Variants in MASP1 observed in about 807,000 individuals in gnomAD.
MASP1 encodes mannan-binding lectin serine protease 1.
Under a neutral mutation model 77.1 loss-of-function variants are expected in MASP1, and 59 were observed. That is an observed-to-expected ratio of 0.77 (90% CI 0.62 to 0.95). MASP1 has a LOEUF of 0.95. MASP1 is among the 40% of genes least tolerant of loss of function. The pLI is 0.00. For missense variants in MASP1, 885 were observed against 912.9 expected (o/e 0.97, Z 0.39); for synonymous variants, 362 against 354.5 (o/e 1.02, Z -0.24).
Position 187,243,606 on chromosome 3 carries a change from G to A in MASP1, c.1106C>T (p.Ala369Val). ...IPTCKIVDCR[A>V]PGELEHGLIT... ...CAGCCCGTGTTCCAGCTCTCCTGGG[G>A]CTCTACAGTCTACAACTGAGAGAGA... is the stretch of plus-strand genomic sequence containing the variant. The change falls in exon 9 of 11, where the codon GCC becomes GTC. Residue 369 changes from alanine to valine, a missense_variant. Physicochemically the swap from Ala to Val is moderately conservative, Grantham distance 64. Transcript: ENST00000296280. 1 of 1,614,184 alleles carries A rather than the reference G, an allele frequency of 6.2e-7. No homozygotes were observed.
chr3:187,268,353 G>A (rs117903657), intron 2 of MASP1, among the ~76,000 whole-genome samples: 19 of 151,970 alleles, frequency 1.3e-4, no homozygotes, highest in East Asian at 1.2e-3. Context: ...GTGGTGGTGC[G>A]GCATGTGCCT....
At chr3:187,287,493 G>C (rs1226531763) in intron 1 of MASP1, among the ~76,000 whole-genome samples, 2 of 152,118 alleles carry the variant, frequency 1.3e-5, no homozygotes, top group Non-Finnish European at 2.9e-5. Context: ...ACACCCTTTG[G>C]AGTGAAATGT....
At chr3:187,258,842 C>G (rs1285204093) in intron 4 of MASP1, among the ~76,000 whole-genome samples, 1 of 152,202 alleles carries the variant, frequency 6.6e-6, no homozygotes, top group Admixed American at 6.5e-5. Flanking sequence ...CCTTCTACTT[C>G]CCATAAATAT....
intron 1 of MASP1, among the ~76,000 whole-genome samples, chr3:187,290,751 C>CT (rs11391875): frequency 0.17 from 25,513 of 147,142 alleles, 2,179 homozygotes; most frequent in African/African-American, 0.22. Flanking sequence ...TGTTTAGGGA[C>CT]TTACACATCT....
intron 2 of MASP1, among the ~76,000 whole-genome samples, chr3:187,281,562 T>C (rs996193784): frequency 2.0e-5 from 3 of 152,246 alleles, no homozygotes; most frequent in African/African-American, 4.8e-5. Flanking sequence ...AGTTCTGTGA[T>C]GACATACCAC....
At position 187,262,792 on chromosome 3, in the gene MASP1, GA is replaced by G. The variant is rs1715710351; in HGVS notation, c.238-73del. ...AGGCTTCTTTCCTTATCTTTAGAAA[GA>G]AAAAGGAAGGGGCCACCCAAGAGTA... On this transcript the variant is annotated intron_variant, in intron 2 of 10. Transcript: ENST00000296280. The G allele has an allele frequency of 3.5e-6, 5 of 1,437,582 alleles. No individual in the cohort carries two copies. The South Asian group carries it at 5.8e-5, about 17-fold the overall frequency. The allele number at this position is 1,437,582 out of a possible 1,614,324, so 89.1% of individuals were successfully genotyped here. A position where few individuals can be genotyped will look rare whatever the true frequency, so the allele number is the denominator to read the frequency against.
chr3:187,282,183 C>T (rs3821807), intron 2 of MASP1, among the ~76,000 whole-genome samples: 31,782 of 152,112 alleles, frequency 0.21, 3,968 homozygotes, highest in African/African-American at 0.35. Context: ...CTCTTCTCTA[C>T]GTTGGGCCTA....
chr3:187,275,369 C>T (rs1716880218), intron 2 of MASP1, among the ~76,000 whole-genome samples: 1 of 152,190 alleles, frequency 6.6e-6, no homozygotes, highest in East Asian at 1.9e-4. Flanking sequence ...AGGACCTTGC[C>T]CTGACTCAGG....
chr3:187,233,866 G>A (rs1174012298), downstream of MASP1, among the ~76,000 whole-genome samples: 2 of 152,184 alleles, frequency 1.3e-5, no homozygotes, highest in Admixed American at 1.3e-4. Flanking sequence ...TAAATGGCAG[G>A]CACTTAAATG....
At chr3:187,247,409 G>C (rs1322279535) in intron 8 of MASP1, 1 of 1,614,014 alleles carries the variant, frequency 6.2e-7, no homozygotes, top group Non-Finnish European at 8.5e-7. Context: ...GAAGATCAAA[G>C]AGGGATCAAG....
intron 14 of MASP1, among the ~76,000 whole-genome samples, chr3:187,221,778 C>T (rs1411526055): frequency 6.6e-6 from 1 of 152,156 alleles, no homozygotes; most frequent in Non-Finnish European, 1.5e-5. Flanking sequence ...TTATGCATTT[C>T]TATCTTACAT....
At chr3:187,242,985 A>G in intron 9 of MASP1, 1 of 202,132 alleles carries the variant, frequency 4.9e-6, no homozygotes, top group Non-Finnish European at 1.0e-5. Context: ...AGGTCTTTGA[A>G]GGAAGGTCCC....
intron 9 of MASP1, 115 bp downstream of exon 9, chr3:187,243,369 G>T (rs1713813922): frequency 1.9e-6 from 2 of 1,059,918 alleles, no homozygotes; most frequent in African/African-American, 1.6e-5. Flanking sequence ...TGCATTATCA[G>T]GCTCTACACA....
rs1713196136 is a variant in MASP1 at position 187,236,493 on chromosome 3, G to A, written c.1378C>T (p.Leu460Phe). 2.5e-6 allele frequency: 4 copies of A among 1,614,062 alleles called. No homozygotes were observed. Among genetic ancestry groups the A allele is most frequent in the Non-Finnish European group, 2.5e-6 (3 of 1,180,000 alleles). Reference sequence around the variant, plus strand: ...ACTATCAGGGCCTGCCACGGGAAGAGGCCAGGCTCAGCATTTCGGCCCCCA... The same window carrying A: ...ACTATCAGGGCCTGCCACGGGAAGAAGCCAGGCTCAGCATTTCGGCCCCCA... ...IIGGRNAEPGLFPWQALIVVE... is the reference protein window; with the variant it reads ...IIGGRNAEPGFFPWQALIVVE... Residue 460 changes from leucine (L) to phenylalanine (F), a missense_variant, in exon 11 of 11, where the codon CTC becomes TTC. Coordinates refer to ENST00000296280, the MANE Select transcript of MASP1 (RefSeq NM_139125.4).
chr3:187,257,837 A>G (rs1355108112), intron 4 of MASP1, among the ~76,000 whole-genome samples: 1 of 152,184 alleles, frequency 6.6e-6, no homozygotes, highest in Non-Finnish European at 1.5e-5. Context: ...CCCCTGTGGC[A>G]AAGGATCTCC....
intron 2 of MASP1, among the ~76,000 whole-genome samples, chr3:187,284,063 A>G (rs1717642188): frequency 6.6e-6 from 1 of 152,172 alleles, no homozygotes; most frequent in African/African-American, 2.4e-5. Context: ...TCTATTTTTA[A>G]TGAATTTGTA....
exon 16 of MASP1, chr3:187,218,584 G>A (rs2108495226): frequency 6.7e-6 from 1 of 148,352 alleles, no homozygotes; most frequent in East Asian, 2.4e-4. Context: ...TCAGCCTGGG[G>A]CTTAATATAT....
exon 16 of MASP1, chr3:187,219,761 G>A (rs1214185598): frequency 7.2e-6 from 3 of 415,516 alleles, no homozygotes; most frequent in South Asian, 7.0e-5. Context: ...AGACTTTTAC[G>A]AGGTAGGTAA....
chr3:187,276,434 C>T (rs886105754), intron 2 of MASP1, among the ~76,000 whole-genome samples: 1 of 152,158 alleles, frequency 6.6e-6, no homozygotes, highest in Admixed American at 6.5e-5. Flanking sequence ...AAATGAATAC[C>T]TCTTCGTCCC....
Sources: gnomAD v4.1 joint callset for allele counts (sites outside exome capture counted in the v4.1 genomes callset) on GRCh38, gnomAD v4.1.1 for gene constraint, MANE v1.5 for transcripts, NCBI Gene and HGNC (gene_info 2026-07-23, HGNC 2026-07-21) for gene names.